Variants in TCF4 observed in about 807,000 individuals in gnomAD.
TCF4 encodes SL3-3 enhancer factor 2.
Under a neutral mutation model 82.1 loss-of-function variants are expected in TCF4, and 3 were observed. The ratio of observed to expected loss-of-function variants is 0.04; its 90% CI spans 0.02 to 0.09. The LOEUF (loss-of-function observed/expected upper bound fraction) is 0.09, where lower values mean the gene tolerates loss of function less well. Ranked by LOEUF, TCF4 falls within the 10% of genes least tolerant of loss-of-function variation. The probability of loss-of-function intolerance (pLI) is 1.00; values close to 1 mark genes in which losing one functional copy is unlikely to be tolerated. For missense variants in TCF4, 518 were observed against 852.7 expected, an observed-to-expected ratio of 0.61 and a Z score of 4.89; for synonymous variants, 276 against 309.6, an observed-to-expected ratio of 0.89 and a Z score of 1.14.
At chr18:55,239,689 C>T (rs1350986602) in intron 15 of TCF4, among the ~76,000 whole-genome samples, 8 of 152,294 alleles carry the variant, frequency 5.3e-5, no homozygotes, top group African/African-American at 1.9e-4. Flanking sequence ...ATATTTGCCA[C>T]GATCCCTCCA....
chr18:55,432,086 G>A (rs2095217019), intron 5 of TCF4, among the ~76,000 whole-genome samples: 1 of 152,224 alleles, frequency 6.6e-6, no homozygotes, highest in African/African-American at 2.4e-5. Flanking sequence ...TGGATCACTT[G>A]AAGTCAGGAG....
At chr18:55,594,337 T>C (rs2097688707) in intron 2 of TCF4, among the ~76,000 whole-genome samples, 1 of 152,206 alleles carries the variant, frequency 6.6e-6, no homozygotes. Context: ...ATCCTCATGT[T>C]GATGCATTTC....
At chr18:55,340,709 C>T (rs1251108733) in intron 8 of TCF4, among the ~76,000 whole-genome samples, 1 of 152,026 alleles carries the variant, frequency 6.6e-6, no homozygotes. Flanking sequence ...GCTAACTACT[C>T]CTAAGTAGGC....
chr18:55,472,333 C>T (rs1428299582), intron 3 of TCF4, among the ~76,000 whole-genome samples: 1 of 152,122 alleles, frequency 6.6e-6, no homozygotes, highest in Admixed American at 6.5e-5. Context: ...TGCAACTGAA[C>T]CAAACGTACA....
intron 3 of TCF4, among the ~76,000 whole-genome samples, chr18:55,533,726 G>T (rs1332085614): frequency 2.0e-5 from 3 of 152,100 alleles, no homozygotes; most frequent in African/African-American, 7.2e-5. Flanking sequence ...TTTCTTAAAT[G>T]ACCACTAATA....
At chr18:55,617,204 C>T (rs638909) in intron 2 of TCF4, among the ~76,000 whole-genome samples, 151,996 of 152,232 alleles carry the variant, frequency 1, 75,881 homozygotes, top group Middle Eastern at 1. Context: ...ATTGACCTTT[C>T]CCCACTGTGT....
At chr18:55,579,680 T>C (rs2097559113) in intron 3 of TCF4, among the ~76,000 whole-genome samples, 1 of 152,006 alleles carries the variant, frequency 6.6e-6, no homozygotes, top group Non-Finnish European at 1.5e-5. Context: ...GGAACAGATC[T>C]AAATAGCATC....
At chr18:55,359,193 T>C (rs1352427930) in intron 6 of TCF4, among the ~76,000 whole-genome samples, 1 of 152,184 alleles carries the variant, frequency 6.6e-6, no homozygotes, top group African/African-American at 2.4e-5. Flanking sequence ...TATCTCCACC[T>C]CTGCTCTCCA....
intron 2 of TCF4, among the ~76,000 whole-genome samples, chr18:55,625,199 G>A (rs17514601): frequency 0.15 from 22,053 of 151,096 alleles, 2,087 homozygotes; most frequent in South Asian, 0.25. Context: ...TTATACAAAT[G>A]TTAATCTTTA....
intron 15 of TCF4, among the ~76,000 whole-genome samples, chr18:55,242,511 C>T (rs2051584524): frequency 6.6e-6 from 1 of 152,056 alleles, no homozygotes. Context: ...AAACATTTCA[C>T]TTAATTTGAC....
intron 15 of TCF4, among the ~76,000 whole-genome samples, chr18:55,242,449 A>C (rs150458109): frequency 0.02 from 3,116 of 152,240 alleles, 58 homozygotes; most frequent in Non-Finnish European, 0.032. Context: ...CTATGTCTGA[A>C]ATTTAATTGT....
chr18:55,559,824 T>C (rs538071208), intron 3 of TCF4, among the ~76,000 whole-genome samples: 18 of 152,148 alleles, frequency 1.2e-4, no homozygotes, highest in Non-Finnish European at 2.4e-4. Flanking sequence ...AGCACCTTTC[T>C]GGTTGTACTA....
intron 8 of TCF4, among the ~76,000 whole-genome samples, chr18:55,296,168 T>C (rs34162085): frequency 1.3e-5 from 2 of 152,052 alleles, no homozygotes; most frequent in African/African-American, 4.8e-5. Flanking sequence ...TGAAATCTAC[T>C]GCCTCTCTGT....
intron 3 of TCF4, among the ~76,000 whole-genome samples, chr18:55,576,488 C>A (rs1233317187): frequency 6.6e-6 from 1 of 152,138 alleles, no homozygotes; most frequent in Non-Finnish European, 1.5e-5. Flanking sequence ...TGTGTCTAGA[C>A]CAGAGTTGAC....
At chr18:55,396,473 C>T (rs987711095) in intron 6 of TCF4, among the ~76,000 whole-genome samples, 1 of 152,136 alleles carries the variant, frequency 6.6e-6, no homozygotes, top group Non-Finnish European at 1.5e-5. Flanking sequence ...GGATTATTAG[C>T]TGATCCCTGA....
At chr18:55,247,079 G>A (rs1277887168) in intron 15 of TCF4, among the ~76,000 whole-genome samples, 3 of 152,108 alleles carry the variant, frequency 2.0e-5, no homozygotes, top group East Asian at 1.9e-4. Context: ...CTGTGACAAC[G>A]CTACGGACAA....
At chr18:55,230,947 G>A (rs1295454316) in intron 17 of TCF4, 1 of 152,280 alleles carries the variant, frequency 6.6e-6, no homozygotes, top group African/African-American at 2.4e-5. Flanking sequence ...CACCACAGAA[G>A]GATGCTGTAA....
chr18:55,500,731 T>C (rs949584090), intron 3 of TCF4, among the ~76,000 whole-genome samples: 3 of 152,226 alleles, frequency 2.0e-5, no homozygotes, highest in African/African-American at 7.2e-5. Flanking sequence ...TTAACATATA[T>C]TGGCATTTGG....
At chr18:55,468,887 C>A (rs1204894342) in intron 3 of TCF4, among the ~76,000 whole-genome samples, 7 of 123,990 alleles carry the variant, frequency 5.6e-5, no homozygotes, top group South Asian at 2.7e-4. Flanking sequence ...TCTCGCCCCC[C>A]CCCCCCTTGT....
Sources: allele counts gnomAD v4.1 joint callset (sites outside exome capture counted in the v4.1 genomes callset), GRCh38; gene constraint gnomAD v4.1.1; transcripts MANE v1.5; gene names NCBI Gene and HGNC (gene_info 2026-07-23, HGNC 2026-07-21).